Variants in SYNPR observed in about 807,000 individuals in gnomAD.
SYNPR encodes the protein synaptoporin.
SYNPR carries 23 observed loss-of-function variants against 32.9 expected under a neutral mutation model. The observed-to-expected ratio is 0.70, with a 90% CI of 0.50 to 0.99. The LOEUF is 0.99. Ranked by LOEUF, SYNPR falls within the 50% of genes least tolerant of loss-of-function variation. The pLI, the probability that SYNPR is intolerant of heterozygous loss-of-function variation, is 0.00. For synonymous variants in SYNPR, 146 were observed against 135.9 expected, an observed-to-expected ratio of 1.07 and a Z score of -0.52; for missense variants, 318 against 349.3, an observed-to-expected ratio of 0.91 and a Z score of 0.71.
At chr3:63,523,661 G>A (rs1323354608) in intron 3 of SYNPR, among the ~76,000 whole-genome samples, 1 of 152,128 alleles carries the variant, frequency 6.6e-6, no homozygotes, top group African/African-American at 2.4e-5. Context: ...GTCAGAAATA[G>A]CCATCTTACC....
intron 4 of SYNPR, among the ~76,000 whole-genome samples, chr3:63,599,618 T>G (rs1401815221): frequency 6.6e-6 from 1 of 152,152 alleles, no homozygotes; most frequent in African/African-American, 2.4e-5. Flanking sequence ...GAAATCACCT[T>G]TTTTTCAGAA....
intron 4 of SYNPR, among the ~76,000 whole-genome samples, chr3:63,578,902 T>C (rs553846813): frequency 6.6e-6 from 1 of 152,028 alleles, no homozygotes; most frequent in South Asian, 2.1e-4. Context: ...ATTCTCAGAG[T>C]TGGGCCCCCA....
intron 2 of SYNPR, among the ~76,000 whole-genome samples, chr3:63,329,543 AAATGT>A (rs775383311): frequency 1.8e-4 from 27 of 152,194 alleles, no homozygotes; most frequent in Non-Finnish European, 2.9e-4. Flanking sequence ...GAAAATCTCA[AAATGT>A]AATGTAATAC....
rs568704468 is a variant in SYNPR, at chr3:63,339,817, C to T, written c.84+61075C>T. Among the ~76,000 whole-genome samples, 20 of 152,228 alleles carry T rather than the reference C, an allele frequency of 1.3e-4. No homozygotes were observed. The South Asian group carries it at 2.7e-3, about 21-fold the overall frequency. On this transcript the variant is annotated intron_variant, in intron 2 of 5. Coordinates refer to ENST00000478300, the MANE Select transcript of SYNPR (RefSeq NM_001130003.2). ...GGATTACAGGCATGCCCACCATGTC[C>T]AGCTAATTTTTGTATTTTTAGTAGA...
chr3:63,426,422 G>A (rs1699893488), intron 2 of SYNPR, among the ~76,000 whole-genome samples: 1 of 152,172 alleles, frequency 6.6e-6, no homozygotes, highest in Non-Finnish European at 1.5e-5. Flanking sequence ...AGGCAATCAG[G>A]TTTTATTCAG....
In SYNPR at chr3:63,278,540, C is replaced by T. The variant is rs767160964; in HGVS notation, c.7C>T (p.Pro3Ser). 45 of 1,550,456 alleles carry T rather than the reference C, an allele frequency of 2.9e-5. No individual in the cohort carries two copies. The highest frequency in any genetic ancestry group is 2.5e-5 in the Non-Finnish European group (29 of 1,146,274). MD[P>S]VSQLASAGTF... ...GAGCGAGCGAGGGCGAGCTATGGAC[C>T]CTGTGAGTCAGGTGAGACAGAACTG... is the stretch of plus-strand genomic sequence containing the variant. The change falls in exon 1 of 6, where the codon CCT becomes TCT. Residue 3 changes from proline to serine, a missense_variant. Pro to Ser is a moderately conservative substitution (Grantham distance 74, BLOSUM62 -1). Transcript: ENST00000478300.
chr3:63,595,439 T>C (rs1699915946), intron 4 of SYNPR, among the ~76,000 whole-genome samples: 1 of 151,668 alleles, frequency 6.6e-6, no homozygotes. Context: ...CATTAAAGAT[T>C]ACAAAGTCTA....
chr3:63,237,186 A>T (rs532029915), intron 1 of SYNPR, among the ~76,000 whole-genome samples: 9 of 152,040 alleles, frequency 5.9e-5, no homozygotes, highest in Non-Finnish European at 1.3e-4. Context: ...AATGTTGTAT[A>T]TACAGGGTAT....
intron 3 of SYNPR, among the ~76,000 whole-genome samples, chr3:63,514,645 G>A (rs533649085): frequency 6.6e-6 from 1 of 152,136 alleles, no homozygotes; most frequent in Non-Finnish European, 1.5e-5. Flanking sequence ...ATATATTGTA[G>A]AATGAGGCCA....
At chr3:63,351,173 A>G (rs182750000) in intron 2 of SYNPR, among the ~76,000 whole-genome samples, 17 of 152,170 alleles carry the variant, frequency 1.1e-4, no homozygotes, top group African/African-American at 3.6e-4. Flanking sequence ...GATCCGCCCA[A>G]TTGATCTTGG....
At chr3:63,531,310 G>A (rs1389870878) in intron 3 of SYNPR, among the ~76,000 whole-genome samples, 8 of 152,074 alleles carry the variant, frequency 5.3e-5, no homozygotes, top group Admixed American at 4.6e-4. Flanking sequence ...TAACAGCAGG[G>A]CTCTGCTCCC....
intron 2 of SYNPR, among the ~76,000 whole-genome samples, chr3:63,288,543 G>T (rs554452919): frequency 1.3e-5 from 2 of 152,090 alleles, no homozygotes; most frequent in Non-Finnish European, 2.9e-5. Flanking sequence ...CAGCACATGG[G>T]CCTCCACTAG....
chr3:63,505,309 G>A (rs955776097), intron 3 of SYNPR, among the ~76,000 whole-genome samples: 8 of 152,136 alleles, frequency 5.3e-5, no homozygotes, highest in African/African-American at 9.7e-5. Context: ...ACACCTTACC[G>A]AAGGCCACAG....
intron 2 of SYNPR, among the ~76,000 whole-genome samples, chr3:63,458,107 G>T (rs545060745): frequency 6.6e-6 from 1 of 152,070 alleles, no homozygotes; most frequent in African/African-American, 2.4e-5. Context: ...ATACGATAAG[G>T]TAATTAAATT....
chr3:63,569,599 G>A (rs952431573), intron 4 of SYNPR, among the ~76,000 whole-genome samples: 9 of 152,244 alleles, frequency 5.9e-5, no homozygotes, highest in Non-Finnish European at 1.2e-4. Context: ...GTTTAAGTAC[G>A]CAGAAGTCAG....
intron 3 of SYNPR, among the ~76,000 whole-genome samples, chr3:63,501,987 A>G (rs1701491045): frequency 6.6e-6 from 1 of 152,050 alleles, no homozygotes; most frequent in Non-Finnish European, 1.5e-5. Context: ...ATTACATTTC[A>G]AAGACTTAGT....
chr3:63,442,442 T>C (rs1700196529), intron 2 of SYNPR, among the ~76,000 whole-genome samples: 1 of 152,160 alleles, frequency 6.6e-6, no homozygotes, highest in Non-Finnish European at 1.5e-5. Flanking sequence ...CTGCGGTATC[T>C]GCCTTGGGGA....
At chr3:63,317,132 TG>T (rs1447348486) in intron 2 of SYNPR, among the ~76,000 whole-genome samples, 2 of 151,932 alleles carry the variant, frequency 1.3e-5, no homozygotes, top group Non-Finnish European at 2.9e-5. Context: ...AAATGTATTG[TG>T]GCTCATTTTA....
chr3:63,227,653 C>T (rs2086138774), upstream of SYNPR, among the ~76,000 whole-genome samples: 1 of 152,168 alleles, frequency 6.6e-6, no homozygotes, highest in South Asian at 2.1e-4. Context: ...TATGAAATAA[C>T]TGCTCTATCT....
Sources: gnomAD v4.1 joint callset for allele counts (sites outside exome capture counted in the v4.1 genomes callset) on GRCh38, gnomAD v4.1.1 for gene constraint, MANE v1.5 for transcripts, NCBI Gene and HGNC (gene_info 2026-07-23, HGNC 2026-07-21) for gene names.